LRP1B: variants seen among roughly 807,000 people sequenced by gnomAD.
LRP1B encodes the protein low-density lipoprotein receptor-related protein 1B.
A neutral mutation model predicts 556.6 loss-of-function variants in LRP1B; 217 were observed. The ratio of observed to expected loss-of-function variants is 0.39; its 90% confidence interval spans 0.35 to 0.44. LRP1B has a LOEUF of 0.44. Among genes scored for constraint, LRP1B ranks in the 20% least tolerant of loss-of-function variants. LRP1B has a pLI of 1.00. For synonymous variants in LRP1B, 2,047 were observed against 1,865.8 expected (o/e 1.10, Z -2.50); for missense variants, 5,053 against 5,620.8 (o/e 0.90, Z 3.23).
At chr2:141,324,477 C>G (rs1461258946) in intron 3 of LRP1B, among the ~76,000 whole-genome samples, 2 of 152,016 alleles carry the variant, frequency 1.3e-5, no homozygotes, top group African/African-American at 4.8e-5. Flanking sequence ...CTATCTTTCC[C>G]TTGATAATTC....
intron 3 of LRP1B, among the ~76,000 whole-genome samples, chr2:141,312,658 T>C (rs1480370370): frequency 6.6e-6 from 1 of 152,068 alleles, no homozygotes; most frequent in Admixed American, 6.6e-5. Flanking sequence ...TGTAATCCAT[T>C]TATTTATGTG....
chr2:140,475,147 T>TATGAGATCC lies in LRP1B; in HGVS notation c.9607_9615dup (p.Gly3203_His3205dup). The TATGAGATCC allele has an allele frequency of 1.3e-6, 2 of 1,583,072 alleles. No homozygotes were observed. Among genetic ancestry groups the TATGAGATCC allele is most frequent in the Non-Finnish European group, 1.7e-6 (2 of 1,163,190 alleles). On this transcript the variant is annotated inframe_insertion, in exon 60 of 91. Coordinates refer to ENST00000389484, the MANE Select transcript of LRP1B (RefSeq NM_018557.3). ...ATGTTACTGGACCAACCTTTGTGTC[T>TATGAGATCC]ATGAGATCCATCCATGTTGCTAAAT... is the stretch of plus-strand genomic sequence containing the variant.
At chr2:141,823,586 G>C (rs867746415) in intron 1 of LRP1B, among the ~76,000 whole-genome samples, 24 of 152,136 alleles carry the variant, frequency 1.6e-4, no homozygotes, top group African/African-American at 5.3e-4. Flanking sequence ...CCGAACAAAA[G>C]GGAAATCACA....
chr2:141,122,801 G>A (rs1701094660), intron 7 of LRP1B, among the ~76,000 whole-genome samples: 3 of 152,102 alleles, frequency 2.0e-5, no homozygotes, highest in African/African-American at 7.2e-5. Flanking sequence ...ACATGCACAT[G>A]TATGTTTATA....
intron 34 of LRP1B, among the ~76,000 whole-genome samples, chr2:140,770,375 C>G (rs1689269312): frequency 1.3e-5 from 2 of 151,666 alleles, no homozygotes; most frequent in Non-Finnish European, 2.9e-5. Flanking sequence ...ATTCTAGAAC[C>G]AAAGTTATTT....
In LRP1B at chr2:141,596,251, T is replaced by G. The variant is rs577158311; in HGVS notation, c.206-115718A>C. Among the ~76,000 whole-genome samples, 7 of 152,014 alleles carry G rather than the reference T, an allele frequency of 4.6e-5. No homozygotes were observed. In the East Asian group the frequency reaches 9.7e-4, roughly 21 times the overall value. On this transcript the variant is annotated intron_variant, in intron 2 of 90. Coordinates refer to ENST00000389484, the MANE Select transcript of LRP1B (RefSeq NM_018557.3). Reference sequence around the variant, plus strand: ...TACAAATTATTAATATAATTAAGAATGAAAAAAATGTTTGGAGCTGGAATG... The same window carrying G: ...TACAAATTATTAATATAATTAAGAAGGAAAAAAATGTTTGGAGCTGGAATG...
chr2:142,025,637 G>T (rs185528869), intron 1 of LRP1B, among the ~76,000 whole-genome samples: 4 of 152,184 alleles, frequency 2.6e-5, no homozygotes, highest in African/African-American at 9.6e-5. Context: ...GGTCACCCCG[G>T]GTGGGTATGG....
At chr2:141,966,715 G>T (rs369798997) in intron 1 of LRP1B, among the ~76,000 whole-genome samples, 2 of 151,544 alleles carry the variant, frequency 1.3e-5, no homozygotes, top group Admixed American at 6.6e-5. Flanking sequence ...AGTACAAATG[G>T]TTGAAGGCCC....
At chr2:141,945,620 A>G (rs975501978) in intron 1 of LRP1B, among the ~76,000 whole-genome samples, 1 of 152,012 alleles carries the variant, frequency 6.6e-6, no homozygotes, top group Non-Finnish European at 1.5e-5. Flanking sequence ...CTACTATAAA[A>G]TATTGCCTCT....
intron 32 of LRP1B, among the ~76,000 whole-genome samples, chr2:140,796,058 T>A (rs73964607): frequency 0.087 from 13,186 of 151,326 alleles, 1,614 homozygotes; most frequent in African/African-American, 0.27. Context: ...GCTCTATATC[T>A]ATCTATCTAT....
intron 3 of LRP1B, among the ~76,000 whole-genome samples, chr2:141,418,274 G>A (rs1019175594): frequency 6.6e-6 from 1 of 151,928 alleles, no homozygotes; most frequent in African/African-American, 2.4e-5. Context: ...TGCTTTTGTT[G>A]CCTGTGCTTT....
intron 41 of LRP1B, among the ~76,000 whole-genome samples, chr2:140,668,060 C>A (rs1011044398): frequency 4.6e-5 from 7 of 152,010 alleles, no homozygotes; most frequent in African/African-American, 1.7e-4. Flanking sequence ...TGCCTGTAAT[C>A]CCAGCACTTT....
At chr2:140,651,707 T>C (rs1192039399) in intron 41 of LRP1B, among the ~76,000 whole-genome samples, 6 of 152,004 alleles carry the variant, frequency 3.9e-5, no homozygotes, top group African/African-American at 1.4e-4. Flanking sequence ...TGACCTAGAA[T>C]AGTTGCAGTA....
chr2:141,390,168 A>G (rs1435605582), intron 3 of LRP1B, among the ~76,000 whole-genome samples: 1 of 152,130 alleles, frequency 6.6e-6, no homozygotes, highest in Non-Finnish European at 1.5e-5. Flanking sequence ...TAGATGAACA[A>G]AGCACCAATG....
chr2:140,462,417 C>T (rs1687363523), intron 60 of LRP1B, among the ~76,000 whole-genome samples: 1 of 152,160 alleles, frequency 6.6e-6, no homozygotes, highest in Non-Finnish European at 1.5e-5. Flanking sequence ...TCATGCATTG[C>T]TTTTTACCAG....
chr2:142,062,203 C>G (rs189521296), intron 1 of LRP1B, among the ~76,000 whole-genome samples: 36 of 151,952 alleles, frequency 2.4e-4, no homozygotes, highest in Non-Finnish European at 4.4e-5. Flanking sequence ...TGGGTCCCTT[C>G]CACATGCTTA....
At chr2:142,104,929 A>C (rs904880824) in intron 1 of LRP1B, among the ~76,000 whole-genome samples, 1 of 152,152 alleles carries the variant, frequency 6.6e-6, no homozygotes, top group South Asian at 2.1e-4. Flanking sequence ...CATCTGTCTC[A>C]AATGTCCTAA....
At chr2:140,731,335 T>A (rs1056822392) in intron 35 of LRP1B, among the ~76,000 whole-genome samples, 1 of 152,138 alleles carries the variant, frequency 6.6e-6, no homozygotes, top group Admixed American at 6.5e-5. Flanking sequence ...CCATACATGA[T>A]AATTGAATAA....
intron 1 of LRP1B, among the ~76,000 whole-genome samples, chr2:141,828,116 T>G (rs1184386219): frequency 6.6e-6 from 1 of 151,640 alleles, no homozygotes; most frequent in African/African-American, 2.4e-5. Flanking sequence ...ATTAATCTAT[T>G]TAAGCATAAT....
Sources: allele counts gnomAD v4.1 joint callset (sites outside exome capture counted in the v4.1 genomes callset), GRCh38; gene constraint gnomAD v4.1.1; transcripts MANE v1.5; gene names NCBI Gene and HGNC (gene_info 2026-07-23, HGNC 2026-07-21).